Variants in RAG1 observed in about 807,000 individuals in gnomAD.
RAG1 encodes the protein V(D)J recombination-activating protein 1.
RAG1 carries 35 observed loss-of-function variants against 62.7 expected under a neutral mutation model. The observed-to-expected ratio is 0.56, with a 90% CI of 0.43 to 0.74. The LOEUF (loss-of-function observed/expected upper bound fraction) is 0.74. Ranked by LOEUF, RAG1 falls within the 30% of genes least tolerant of loss-of-function variation. RAG1 has a pLI of 0.00. For synonymous variants in RAG1, 461 were observed against 470.3 expected, an observed-to-expected ratio of 0.98 and a Z score of 0.26; for missense variants, 1,169 against 1,278.6, an observed-to-expected ratio of 0.91 and a Z score of 1.31.
chr11:36,573,997 G>A lies in RAG1; in HGVS notation c.693G>A (p.Gln231=), dbSNP rs776830829. Residue 231 remains glutamine (Q), a synonymous_variant, in exon 2 of 2, where the codon CAG becomes CAA. Coordinates refer to ENST00000299440, the MANE Select transcript of RAG1 (RefSeq NM_000448.3). Reference sequence around the variant, plus strand: ...GGAAGAGTCTTCAGCCAAACTTGCAGCTCAGCAAAAAACTCAAAACTGTGC... The same window carrying A: ...GGAAGAGTCTTCAGCCAAACTTGCAACTCAGCAAAAAACTCAAAACTGTGC... ...LKRKSLQPNL[Q]LSKKLKTVLD... 1 of 1,614,092 alleles carries A rather than the reference G, an allele frequency of 6.2e-7. No homozygotes were observed. The highest frequency in any genetic ancestry group is 1.1e-5 in the South Asian group (1 of 91,076).
chr11:36,567,182 T>C (rs774170853), upstream of RAG1, among the ~76,000 whole-genome samples: 1 of 152,208 alleles, frequency 6.6e-6, no homozygotes, highest in Non-Finnish European at 1.5e-5. Context: ...CTTCACTAAG[T>C]AGTGGCTGTG....
intron 2 of RAG1, among the ~76,000 whole-genome samples, chr11:36,532,727 C>A (rs1860273721): frequency 6.6e-6 from 1 of 152,150 alleles, no homozygotes; most frequent in Non-Finnish European, 1.5e-5. Flanking sequence ...CCTTCAGTCA[C>A]TTAGCCAGCC....
rs900798725 is a variant in RAG1, at chr11:36,574,815, A to T, written c.1511A>T (p.His504Leu). 3 of 1,614,084 alleles carry T rather than the reference A, an allele frequency of 1.9e-6. No homozygotes were observed. Among genetic ancestry groups the T allele is most frequent in the South Asian group, 1.1e-5 (1 of 91,084 alleles). The change falls in exon 2 of 2, where the codon CAT (histidine) becomes CTT (leucine). Residue 504 changes from histidine (H) to leucine (L), a missense_variant. Transcript: ENST00000299440. The part of the protein sequence containing the change: ...ITGRQIFQPL[H>L]ALRNAEKVLL... ...GGGAGACAGATTTTTCAGCCTTTGC[A>T]TGCCCTTCGGAATGCTGAGAAGGTA... is the stretch of plus-strand genomic sequence containing the variant.
chr11:36,550,371 GA>G (rs1298841423), intron 3 of RAG1, among the ~76,000 whole-genome samples: 2 of 151,896 alleles, frequency 1.3e-5, no homozygotes, highest in African/African-American at 4.8e-5. Flanking sequence ...TACCCTAAGA[GA>G]AAAAAAGAGA....
intron 3 of RAG1, among the ~76,000 whole-genome samples, chr11:36,544,912 T>C (rs1209274620): frequency 1.3e-5 from 2 of 152,218 alleles, no homozygotes; most frequent in African/African-American, 4.8e-5. Context: ...TCTGCCATGA[T>C]TGTAAGTTTC....
chr11:36,524,539 A>T (rs1288097410), intron 2 of RAG1, among the ~76,000 whole-genome samples: 4 of 147,288 alleles, frequency 2.7e-5, no homozygotes, highest in African/African-American at 1.0e-4. Context: ...CCAGGCTGGG[A>T]TGCAGTGATG....
chr11:36,520,960 CTTT>C (rs36066366), intron 2 of RAG1, among the ~76,000 whole-genome samples: 3 of 133,652 alleles, frequency 2.2e-5, no homozygotes, highest in Non-Finnish European at 3.2e-5. Flanking sequence ...CAAATCTCAT[CTTT>C]TTTTTTTTTT....
At chr11:36,532,566 T>A (rs1401040730) in intron 2 of RAG1, among the ~76,000 whole-genome samples, 1 of 152,218 alleles carries the variant, frequency 6.6e-6, no homozygotes, top group Non-Finnish European at 1.5e-5. Context: ...GTTTCAGTTA[T>A]CCATGATTAA....
upstream of RAG1, among the ~76,000 whole-genome samples, chr11:36,566,266 C>A (rs1439452568): frequency 6.6e-6 from 1 of 152,028 alleles, no homozygotes; most frequent in Non-Finnish European, 1.5e-5. Context: ...GGCAACCAAC[C>A]AACTCTGTTC....
Position 36,576,576 on chromosome 11 carries a change from A to G in RAG1, c.*140A>G. The G allele has an allele frequency of 1.0e-6, 1 of 1,003,116 alleles. No homozygotes were observed. Among genetic ancestry groups the G allele is most frequent in the East Asian group, 2.5e-5 (1 of 39,490 alleles). 62.1% of individuals were successfully genotyped at this position (1,003,116 alleles called of 1,614,324 possible). ...GGTAGGTTGGAGTAAGATGCTACAG[A>G]TGCTCTCAAGTCAGGAATAGAAACT... On this transcript the variant is annotated 3_prime_UTR_variant, in exon 2 of 2. Transcript: ENST00000299440.
chr11:36,528,400 A>T (rs1290989672), intron 2 of RAG1, among the ~76,000 whole-genome samples: 1 of 152,212 alleles, frequency 6.6e-6, no homozygotes, highest in East Asian at 1.9e-4. Flanking sequence ...ACTACTGGGT[A>T]CGTAACGAAA....
chr11:36,571,790 G>T (rs567970079), intron 1 of RAG1, among the ~76,000 whole-genome samples: 2 of 151,946 alleles, frequency 1.3e-5, no homozygotes, highest in Non-Finnish European at 2.9e-5. Flanking sequence ...AAATTTTTTT[G>T]TATTTTTGGT....
intron 1 of RAG1, among the ~76,000 whole-genome samples, chr11:36,518,308 C>CA (rs1860025691): frequency 6.6e-6 from 1 of 152,114 alleles, no homozygotes; most frequent in Admixed American, 6.5e-5. Context: ...CATATGTGTG[C>CA]ATGTGTCTTT....
At chr11:36,514,722 C>T (rs1005821029) in intron 1 of RAG1, among the ~76,000 whole-genome samples, 1 of 152,150 alleles carries the variant, frequency 6.6e-6, no homozygotes, top group Non-Finnish European at 1.5e-5. Flanking sequence ...GGTTTGTGCT[C>T]TTGTGAGAAT....
intron 2 of RAG1, among the ~76,000 whole-genome samples, chr11:36,529,720 G>A (rs532289348): frequency 8.5e-5 from 13 of 152,188 alleles, no homozygotes; most frequent in Non-Finnish European, 1.5e-4. Context: ...GTTTGCACAT[G>A]ACATGATTGT....
intron 1 of RAG1, among the ~76,000 whole-genome samples, chr11:36,572,297 A>G (rs1204598222): frequency 6.6e-6 from 1 of 152,234 alleles, no homozygotes; most frequent in Admixed American, 6.5e-5. Flanking sequence ...GGGTCTAGAG[A>G]GTACACTTCA....
intron 1 of RAG1, among the ~76,000 whole-genome samples, chr11:36,517,141 C>T (rs528373312): frequency 7.2e-5 from 11 of 152,190 alleles, no homozygotes; most frequent in Admixed American, 2.6e-4. Context: ...GTTCCTGATT[C>T]GAATTTGTGA....
chr11:36,536,368 GA>G (rs562938231), downstream of RAG1, among the ~76,000 whole-genome samples: 153 of 152,004 alleles, frequency 1.0e-3, 1 homozygote, highest in African/African-American at 3.4e-3. Flanking sequence ...AAAGAAGCCA[GA>G]AAAAAAATTT....
intron 2 of RAG1, among the ~76,000 whole-genome samples, chr11:36,531,287 T>C (rs1042006424): frequency 6.6e-6 from 1 of 151,948 alleles, no homozygotes; most frequent in Non-Finnish European, 1.5e-5. Context: ...ACTTTGTCAA[T>C]CTCTGTCTTG....
Sources: gnomAD v4.1 joint callset for allele counts (sites outside exome capture counted in the v4.1 genomes callset) on GRCh38, gnomAD v4.1.1 for gene constraint, MANE v1.5 for transcripts, NCBI Gene and HGNC (gene_info 2026-07-23, HGNC 2026-07-21) for gene names.